The following EVA1A variants were observed in gnomAD, a reference collection of about 807,000 sequenced individuals.
The protein encoded by EVA1A is protein eva-1 homolog A.
A neutral mutation model predicts 9.8 loss-of-function variants in EVA1A; 7 were observed. That is an observed-to-expected ratio of 0.71 (90% confidence interval 0.41 to 1.34). The LOEUF (loss-of-function observed/expected upper bound fraction) is 1.34. EVA1A is among the 40% of genes most tolerant of loss of function. The pLI is 0.01. For synonymous variants in EVA1A, 90 were observed against 85.6 expected, an observed-to-expected ratio of 1.05 and a Z score of -0.28; for missense variants, 206 against 205.9, an observed-to-expected ratio of 1.00 and a Z score of 0.00.
chr2:75,494,515 G>A (rs1388258685), intron 3 of EVA1A, among the ~76,000 whole-genome samples: 4 of 152,228 alleles, frequency 2.6e-5, no homozygotes, highest in Non-Finnish European at 5.9e-5. Flanking sequence ...TGTGTGAGCT[G>A]CCTTATGGGG....
intron 3 of EVA1A, among the ~76,000 whole-genome samples, chr2:75,516,748 C>A (rs147280987): frequency 2.0e-5 from 3 of 152,192 alleles, no homozygotes; most frequent in Non-Finnish European, 4.4e-5. Context: ...ACCCTCTCTG[C>A]CAGCCCCACT....
chr2:75,518,265 T>A, intron 2 of EVA1A, 57 bp from the exon 3 acceptor site: 1 of 1,466,638 alleles, frequency 6.8e-7, no homozygotes. Flanking sequence ...GAGGCCATGT[T>A]CCAGGTAGCC....
In EVA1A at chr2:75,517,294, A is replaced by G. The variant is rs547202511; in HGVS notation, c.85+762T>C. On this transcript the variant is annotated intron_variant, in intron 3 of 3. Transcript: ENST00000393913. The stretch of plus-strand genomic sequence containing the variant: ...CCAAAGGAAATCCAATTGAAACCCT[A>G]GTCCCTTCCTTTTTATACAATATAT... 6.3e-4 allele frequency among the ~76,000 whole-genome samples: 96 copies of G among 152,316 alleles called. 1 individual carries two copies. The highest frequency in any genetic ancestry group is 1.4e-3 in the Admixed American group (22 of 15,302).
chr2:75,498,642 C>G (rs1674299547), intron 3 of EVA1A, among the ~76,000 whole-genome samples: 1 of 152,076 alleles, frequency 6.6e-6, no homozygotes, highest in Non-Finnish European at 1.5e-5. Flanking sequence ...AGGAAAAGAT[C>G]TGTTTTAGAT....
intron 1 of EVA1A, among the ~76,000 whole-genome samples, chr2:75,529,562 G>A (rs1414566506): frequency 6.6e-6 from 1 of 152,110 alleles, no homozygotes; most frequent in East Asian, 1.9e-4. Flanking sequence ...TCAGACCACA[G>A]TGGAATAAAA....
upstream of EVA1A, among the ~76,000 whole-genome samples, chr2:75,561,788 G>A (rs1427471602): frequency 2.0e-5 from 3 of 152,216 alleles, no homozygotes; most frequent in Non-Finnish European, 4.4e-5. Context: ...GTGAGTGATG[G>A]TGGGGAACAG....
chr2:75,511,872 T>C (rs1026560365), intron 3 of EVA1A, among the ~76,000 whole-genome samples: 8 of 151,774 alleles, frequency 5.3e-5, no homozygotes, highest in Non-Finnish European at 1.2e-4. Context: ...ACTAAACAAA[T>C]AAATAAAATA....
At chr2:75,562,264 C>T (rs909741995), upstream of EVA1A, among the ~76,000 whole-genome samples, 2 of 152,150 alleles carry the variant, frequency 1.3e-5, no homozygotes, top group Admixed American at 6.5e-5. Flanking sequence ...GCTTTAAAAA[C>T]CAATAGGTGG....
intron 1 of EVA1A, among the ~76,000 whole-genome samples, chr2:75,529,548 T>C (rs1289176026): frequency 2.0e-5 from 3 of 152,154 alleles, no homozygotes; most frequent in African/African-American, 4.8e-5. Flanking sequence ...TATTGACTAC[T>C]CTCTCAGACC....
At chr2:75,499,084 CT>C (rs766305569) in intron 3 of EVA1A, among the ~76,000 whole-genome samples, 5 of 152,134 alleles carry the variant, frequency 3.3e-5, no homozygotes, top group African/African-American at 7.2e-5. Context: ...TATCTAGATT[CT>C]AGATCAACTT....
chr2:75,556,477 A>T (rs1467991100), intron 1 of EVA1A, among the ~76,000 whole-genome samples: 1 of 152,216 alleles, frequency 6.6e-6, no homozygotes, highest in Non-Finnish European at 1.5e-5. Context: ...GTGCCAAGCT[A>T]TAAAAGCCTC....
At chr2:75,514,106 G>A (rs1323764361) in intron 3 of EVA1A, among the ~76,000 whole-genome samples, 2 of 152,188 alleles carry the variant, frequency 1.3e-5, no homozygotes, top group African/African-American at 2.4e-5. Flanking sequence ...CAAGACCACA[G>A]CAAATACCAT....
chr2:75,527,351 C>G (rs977131516), intron 1 of EVA1A, among the ~76,000 whole-genome samples: 2 of 152,132 alleles, frequency 1.3e-5, no homozygotes, highest in Non-Finnish European at 2.9e-5. Context: ...CCTTCCCTGG[C>G]AATATCAGTA....
chr2:75,567,554 T>G (rs1451274237), intron 1 of EVA1A, among the ~76,000 whole-genome samples: 1 of 152,174 alleles, frequency 6.6e-6, no homozygotes, highest in Admixed American at 6.5e-5. Context: ...GAGCTCTTAA[T>G]CTCCCTGAAG....
At chr2:75,559,694 A>AGGAGGG (rs1395254941) in intron 1 of EVA1A, among the ~76,000 whole-genome samples, 1 of 2,776 alleles carries the variant, frequency 3.6e-4, no homozygotes, top group African/African-American at 1.9e-3. Flanking sequence ...ATGAGAAAGG[A>AGGAGGG]GGTGGGGGGG....
chr2:75,546,211 A>G (rs1390942886), intron 1 of EVA1A, among the ~76,000 whole-genome samples: 1 of 152,180 alleles, frequency 6.6e-6, no homozygotes, highest in Non-Finnish European at 1.5e-5. Context: ...ACACTTCCCT[A>G]TTCAATTTCT....
At chr2:75,555,336 T>TCTCTCTCTCTCCCC (rs766586263) in intron 1 of EVA1A, among the ~76,000 whole-genome samples, 19 of 102,826 alleles carry the variant, frequency 1.8e-4, no homozygotes, top group Non-Finnish European at 3.5e-4. Flanking sequence ...TCTCTCTCTC[T>TCTCTCTCTCTCCCC]CCCCCATCTC....
upstream of EVA1A, among the ~76,000 whole-genome samples, chr2:75,565,279 C>CT (rs201864258): frequency 8.2e-3 from 1,247 of 152,090 alleles, 8 homozygotes; most frequent in African/African-American, 0.013. Flanking sequence ...ATGAGTAGGG[C>CT]TTTTTTTTAA....
chr2:75,567,978 A>G (rs2104011407), intron 1 of EVA1A, among the ~76,000 whole-genome samples: 1 of 152,364 alleles, frequency 6.6e-6, no homozygotes, highest in South Asian at 2.1e-4. Flanking sequence ...AGGTTTGATT[A>G]ATGTATTAAC....
Sources: allele counts gnomAD v4.1 joint callset (sites outside exome capture counted in the v4.1 genomes callset), GRCh38; gene constraint gnomAD v4.1.1; transcripts MANE v1.5; gene names NCBI Gene and HGNC (gene_info 2026-07-23, HGNC 2026-07-21).